The following ABCA13 variants were observed in gnomAD, a reference collection of about 807,000 sequenced individuals.
ABCA13 encodes the protein ATP binding cassette subfamily A member 13, also known as ATP-binding cassette sub-family A member 13.
A neutral mutation model predicts 478.7 loss-of-function variants in ABCA13; 476 were observed. The ratio of observed to expected loss-of-function variants is 0.99; its 90% CI spans 0.92 to 1.07. The LOEUF (loss-of-function observed/expected upper bound fraction) is 1.07, where lower values mean the gene tolerates loss of function less well. ABCA13 is among the 50% of genes least tolerant of loss of function. The pLI, the probability that ABCA13 is intolerant of heterozygous loss-of-function variation, is 0.00. For missense variants in ABCA13, 6,060 were observed against 5,910.6 expected (o/e 1.03, Z -0.83); for synonymous variants, 2,252 against 2,158.9 (o/e 1.04, Z -1.20).
chr7:48,521,978 G>GC (rs1554551197), intron 53 of ABCA13, among the ~76,000 whole-genome samples: 4 of 146 alleles, frequency 0.027, no homozygotes, highest in African/African-American at 0.11. Context: ...TTCTTAGCAA[G>GC]CCCCCCTGAA....
chr7:48,198,118 T>C, intron 2 of ABCA13, 119 bp from the exon 3 acceptor site: 2 of 1,092,556 alleles, frequency 1.8e-6, no homozygotes, highest in South Asian at 2.2e-5. Flanking sequence ...CTCCTTTAAA[T>C]TAATAGCAAG....
chr7:48,629,575 C>CA (rs11392411), intron 59 of ABCA13, among the ~76,000 whole-genome samples: 13,105 of 66,846 alleles, frequency 0.2, 1,655 homozygotes, highest in African/African-American at 0.34. Context: ...TACATTTTGG[C>CA]AAAAAAAAAA....
intron 1 of ABCA13, among the ~76,000 whole-genome samples, chr7:48,180,099 G>C (rs1010394844): frequency 2.0e-5 from 3 of 151,626 alleles, no homozygotes; most frequent in African/African-American, 7.2e-5. Context: ...ACAGCACTCT[G>C]AATTTATCTG....
At chr7:48,562,560 G>A (rs1314819455) in intron 55 of ABCA13, among the ~76,000 whole-genome samples, 1 of 152,050 alleles carries the variant, frequency 6.6e-6, no homozygotes, top group Admixed American at 6.6e-5. Context: ...CCTAACTCTT[G>A]ACCAGGGCCA....
intron 55 of ABCA13, among the ~76,000 whole-genome samples, chr7:48,534,613 AGAT>A (rs999693883): frequency 5.3e-5 from 8 of 152,194 alleles, no homozygotes; most frequent in African/African-American, 9.6e-5. Flanking sequence ...CCACACTTGT[AGAT>A]TTCCCTTCTT....
chr7:48,603,911 GT>G (rs939454362), intron 58 of ABCA13: 2 of 152,144 alleles, frequency 1.3e-5, no homozygotes, highest in African/African-American at 4.8e-5. Flanking sequence ...TTCAGAATTT[GT>G]TATTGGTCTA....
At chr7:48,337,953 G>A (rs1338818686) in intron 28 of ABCA13, among the ~76,000 whole-genome samples, 1 of 152,148 alleles carries the variant, frequency 6.6e-6, no homozygotes, top group African/African-American at 2.4e-5. Context: ...GAGAGGGTTT[G>A]GGAAATTCTG....
At chr7:48,605,464 A>G (rs1791372244) in intron 58 of ABCA13, among the ~76,000 whole-genome samples, 1 of 151,338 alleles carries the variant, frequency 6.6e-6, no homozygotes, top group Non-Finnish European at 1.5e-5. Context: ...TCTGTAAAGG[A>G]TTTGCTTGTC....
intron 4 of ABCA13, among the ~76,000 whole-genome samples, chr7:48,220,350 A>T (rs1787188849): frequency 6.6e-6 from 1 of 152,224 alleles, no homozygotes; most frequent in Non-Finnish European, 1.5e-5. Context: ...AGTGTTACAT[A>T]CTTGGGTAAG....
At chr7:48,594,025 A>G (rs750250513) in intron 57 of ABCA13, among the ~76,000 whole-genome samples, 1 of 152,030 alleles carries the variant, frequency 6.6e-6, no homozygotes, top group Non-Finnish European at 1.5e-5. Flanking sequence ...ATCTCAGTGA[A>G]TAATTTGTTG....
At chr7:48,317,130 C>CT (rs747805839) in intron 26 of ABCA13, 27 bp from the exon 27 acceptor site, 244 of 1,579,032 alleles carry the variant, frequency 1.5e-4, no homozygotes, top group Admixed American at 8.5e-4. Context: ...TCATTAGCAA[C>CT]TTTTTTTTTC....
In ABCA13 at chr7:48,594,767, A is replaced by G; in HGVS notation, c.14698A>G (p.Met4900Val). 1 of 1,613,972 alleles carries G rather than the reference A, an allele frequency of 6.2e-7. No individual in the cohort carries two copies. The highest frequency in any genetic ancestry group is 1.1e-5 in the South Asian group (1 of 91,088). ...CSKRYLWQTI[M>V]KEVREGCAAV... Reference sequence around the variant, plus strand: ...TAAGCGGTACCTGTGGCAAACAATAATGAAGGAGGTTCGGGAAGGCTGTGC... The same window carrying G: ...TAAGCGGTACCTGTGGCAAACAATAGTGAAGGAGGTTCGGGAAGGCTGTGC... The change falls in exon 58 of 62, where the codon ATG becomes GTG. Residue 4900 changes from methionine to valine, a missense_variant. Met to Val is a conservative substitution (Grantham distance 21). Transcript: ENST00000435803.
intron 23 of ABCA13, among the ~76,000 whole-genome samples, chr7:48,308,660 G>GTATATA (rs1563017475): frequency 6.6e-6 from 1 of 151,582 alleles, no homozygotes; most frequent in Non-Finnish European, 1.5e-5. Context: ...GACTACCACC[G>GTATATA]TATATGTGGT....
rs140081333 is a variant in ABCA13, at chr7:48,529,574, A to G, written c.14354+1229A>G. On this transcript the variant is annotated intron_variant, in intron 55 of 61. Coordinates refer to ENST00000435803, the MANE Select transcript of ABCA13 (RefSeq NM_152701.5). ...TGATCCGCAGAGATATTTATTTTTA[A>G]GAGAGGTTATATGTTCTTGACCCTA... Among the ~76,000 whole-genome samples, 510 of 152,328 alleles carry G rather than the reference A, an allele frequency of 3.3e-3. 16 individuals are homozygous for G. In the East Asian group the frequency reaches 0.083, roughly 25 times the overall value.
intron 55 of ABCA13, among the ~76,000 whole-genome samples, chr7:48,530,882 ATCTTAG>A (rs1270493248): frequency 6.6e-6 from 1 of 151,780 alleles, no homozygotes; most frequent in African/African-American, 2.4e-5. Flanking sequence ...TAGATTCTGG[ATCTTAG>A]TCTTTTGTCA....
chr7:48,282,305 TC>T (rs1480573106), intron 19 of ABCA13, among the ~76,000 whole-genome samples: 2 of 152,066 alleles, frequency 1.3e-5, no homozygotes, highest in Non-Finnish European at 1.5e-5. Context: ...CACACTTGAG[TC>T]CATGGAATGG....
chr7:48,410,645 G>A lies in ABCA13; in HGVS notation c.12196G>A (p.Gly4066Ser). The A allele has an allele frequency of 6.2e-7, 1 of 1,614,016 alleles. No individual in the cohort carries two copies. Among genetic ancestry groups the A allele is most frequent in the Non-Finnish European group, 8.5e-7 (1 of 1,179,866 alleles). Reference protein sequence around the residue: ...GPPFCLKEAYGQGLRLTLTRQ... With the variant: ...GPPFCLKEAYSQGLRLTLTRQ... ...TCCCTTCTGCCTGAAGGAGGCATAT[G>A]GCCAGGGGCTCCGCCTGACACTCAC... Residue 4066 changes from glycine to serine, a missense_variant, in exon 40 of 62, where the codon GGC becomes AGC. Transcript: ENST00000435803.
chr7:48,383,627 C>T (rs1335313515), intron 35 of ABCA13, among the ~76,000 whole-genome samples: 1 of 152,112 alleles, frequency 6.6e-6, no homozygotes, highest in African/African-American at 2.4e-5. Flanking sequence ...CCCTATGGTT[C>T]TGAAAAATTG....
chr7:48,594,720 G>A lies in ABCA13; in HGVS notation c.14651G>A (p.Ser4884Asn), dbSNP rs1427559601. 6.2e-7 allele frequency: 1 copy of A among 1,613,870 alleles called. No individual in the cohort carries two copies. Among genetic ancestry groups the A allele is most frequent in the Non-Finnish European group, 8.5e-7 (1 of 1,179,796 alleles). Reference protein sequence around the residue: ...KPDILLLDEPSSGMDPCSKRY... With the variant: ...KPDILLLDEPNSGMDPCSKRY... ...TTGCCTTTCCTTCAGGATGAGCCCA[G>A]CTCTGGGATGGATCCCTGCTCTAAG... Residue 4884 changes from serine to asparagine, a missense_variant, in exon 58 of 62, where the codon AGC (serine) becomes AAC (asparagine). Ser to Asn is a conservative substitution (Grantham distance 46). Coordinates refer to ENST00000435803, the MANE Select transcript of ABCA13 (RefSeq NM_152701.5).
Sources: gnomAD v4.1 joint callset for allele counts (sites outside exome capture counted in the v4.1 genomes callset) on GRCh38, gnomAD v4.1.1 for gene constraint, MANE v1.5 for transcripts, NCBI Gene and HGNC (gene_info 2026-07-23, HGNC 2026-07-21) for gene names.